Variants in ARHGEF12 observed in about 807,000 individuals in gnomAD.
ARHGEF12 encodes the protein KMT2A/ARHGEF12 fusion protein.
Under a neutral mutation model 211.2 loss-of-function variants are expected in ARHGEF12, and 66 were observed. The ratio of observed to expected loss-of-function variants is 0.31; its 90% confidence interval spans 0.26 to 0.38. ARHGEF12 has a LOEUF of 0.38. Ranked by LOEUF, ARHGEF12 falls within the 10% of genes least tolerant of loss-of-function variation. ARHGEF12 has a pLI of 1.00. For missense variants in ARHGEF12, 1,429 were observed against 1,869.5 expected, an observed-to-expected ratio of 0.76 and a Z score of 4.34; for synonymous variants, 592 against 638.4, an observed-to-expected ratio of 0.93 and a Z score of 1.09.
chr11:120,448,071 G>T (rs1423639669), intron 19 of ARHGEF12, among the ~76,000 whole-genome samples, 163 bp from the exon 20 acceptor site: 1 of 152,046 alleles, frequency 6.6e-6, no homozygotes, highest in Non-Finnish European at 1.5e-5. Flanking sequence ...CTGTTGTCCT[G>T]AGTAGAATTC....
At chr11:120,337,981 T>A (rs1942409183) in intron 1 of ARHGEF12, 1 of 885,462 alleles carries the variant, frequency 1.1e-6, no homozygotes, top group Non-Finnish European at 1.4e-6. Context: ...GCAGCTGAAT[T>A]TGTTGAGTTC....
intron 1 of ARHGEF12, among the ~76,000 whole-genome samples, chr11:120,376,688 TAC>T (rs777901695): frequency 1.3e-4 from 20 of 152,202 alleles, no homozygotes; most frequent in Non-Finnish European, 2.1e-4. Flanking sequence ...TTTTTAAATG[TAC>T]AATAAATTAT....
chr11:120,409,458 A>G lies in ARHGEF12; in HGVS notation c.199+8A>G. The stretch of plus-strand genomic sequence containing the variant: ...GTAGATCCGAGATATATGGTAAGCT[A>G]ATGTAGCTAATTCAGCCTTGCCCTT... On this transcript the variant is annotated splice_region_variant and intron_variant, in intron 4 of 40. Transcript: ENST00000397843. The G allele has an allele frequency of 6.2e-7, 1 of 1,613,446 alleles. No individual in the cohort carries two copies. Among genetic ancestry groups the G allele is most frequent in the Non-Finnish European group, 8.5e-7 (1 of 1,179,608 alleles).
intron 1 of ARHGEF12, among the ~76,000 whole-genome samples, chr11:120,362,303 T>A (rs1384292117): frequency 6.6e-6 from 1 of 152,190 alleles, no homozygotes; most frequent in African/African-American, 2.4e-5. Context: ...TACTAAGCAA[T>A]AGTTTCAATA....
chr11:120,402,362 ACT>A (rs989369369), intron 1 of ARHGEF12, among the ~76,000 whole-genome samples: 3 of 151,960 alleles, frequency 2.0e-5, no homozygotes, highest in African/African-American at 7.2e-5. Flanking sequence ...TTGTCTAGTA[ACT>A]CTTCTCACTG....
At chr11:120,479,486 G>A (rs1947165286) in intron 37 of ARHGEF12, among the ~76,000 whole-genome samples, 2 of 152,142 alleles carry the variant, frequency 1.3e-5, no homozygotes, top group African/African-American at 4.8e-5. Context: ...TTCAGTAAAT[G>A]TATGTATCTC....
intron 10 of ARHGEF12, 152 bp from the exon 11 acceptor site, chr11:120,431,619 C>T (rs1175563142): frequency 1.6e-5 from 11 of 707,346 alleles, no homozygotes; most frequent in South Asian, 6.2e-5. Flanking sequence ...GGATTTTACT[C>T]GTAGAATTTT....
In ARHGEF12 at chr11:120,478,325, C is replaced by A. The variant is rs901056192; in HGVS notation, c.3702C>A (p.Ile1234=). ...TLKEVGEDYQ[I]AIPDSHLPVS... ...AGGAAGTTGGAGAAGATTATCAAAT[C>A]GCAATCCCAGATTCACACCTGCCTG... The change falls in exon 37 of 41, where the codon ATC becomes ATA. Residue 1234 remains isoleucine, a synonymous_variant. Transcript: ENST00000397843. The A allele has an allele frequency of 2.5e-6, 4 of 1,614,170 alleles. No individual in the cohort carries two copies. In the East Asian group the frequency reaches 8.9e-5, roughly 36 times the overall value.
chr11:120,479,887 T>C, intron 37 of ARHGEF12, 73 bp from the exon 38 acceptor site: 1 of 1,253,630 alleles, frequency 8.0e-7, no homozygotes, highest in Non-Finnish European at 1.1e-6. Context: ...GTAAGTCAGC[T>C]AATTTAATTC....
intron 38 of ARHGEF12, 95 bp downstream of exon 38, chr11:120,480,525 G>C: frequency 8.9e-7 from 1 of 1,117,580 alleles, no homozygotes; most frequent in Non-Finnish European, 1.3e-6. Flanking sequence ...ATCCAGGTGT[G>C]TGTGTGTGTG....
intron 1 of ARHGEF12, among the ~76,000 whole-genome samples, chr11:120,374,976 TCAGATTTGTCAACAAA>T (rs1472767126): frequency 5.3e-5 from 8 of 152,194 alleles, no homozygotes; most frequent in Non-Finnish European, 1.0e-4. Context: ...CACAAAATCT[TCAGATTTGTCAACAAA>T]ATGAACGAGA....
chr11:120,453,325 C>T (rs7111292), intron 22 of ARHGEF12, among the ~76,000 whole-genome samples: 1 of 151,870 alleles, frequency 6.6e-6, no homozygotes, highest in African/African-American at 2.4e-5. Flanking sequence ...TGGTAGGTGG[C>T]GGATGAACAG....
At chr11:120,366,891 C>T (rs1039096224) in intron 1 of ARHGEF12, among the ~76,000 whole-genome samples, 1 of 152,156 alleles carries the variant, frequency 6.6e-6, no homozygotes, top group Admixed American at 6.5e-5. Flanking sequence ...TGGCACACGC[C>T]TGCAATCCCA....
intron 4 of ARHGEF12, among the ~76,000 whole-genome samples, chr11:120,414,446 T>A (rs908392159): frequency 2.6e-5 from 4 of 152,220 alleles, no homozygotes; most frequent in African/African-American, 9.6e-5. Context: ...AAATTTCCTT[T>A]GTGTATAAAA....
chr11:120,344,667 T>G (rs976453947), intron 1 of ARHGEF12, among the ~76,000 whole-genome samples: 1 of 152,222 alleles, frequency 6.6e-6, no homozygotes, highest in Admixed American at 6.5e-5. Flanking sequence ...AAGAGGTATT[T>G]AAATATTTTG....
intron 23 of ARHGEF12, 87 bp downstream of exon 23, chr11:120,457,337 C>T (rs1264313949): frequency 2.0e-6 from 3 of 1,470,942 alleles, no homozygotes; most frequent in African/African-American, 2.8e-5. Context: ...AGCATTCTAG[C>T]ACTGAAGCCT....
At chr11:120,453,216 A>C (rs1946264935) in intron 22 of ARHGEF12, among the ~76,000 whole-genome samples, 1 of 152,142 alleles carries the variant, frequency 6.6e-6, no homozygotes, top group South Asian at 2.1e-4. Flanking sequence ...CATTTGGAGA[A>C]AATTCTGGGG....
Position 120,480,115 on chromosome 11 carries a change from T to C in ARHGEF12, c.3922T>C (p.Ser1308Pro). The C allele has an allele frequency of 6.2e-7, 1 of 1,614,166 alleles. No homozygotes were observed. ...QNSENIKAYH[S>P]GEGHMPFRTG... is the part of the protein sequence containing the mutation. ...CTCTGAAAATATTAAGGCCTATCAT[T>C]CTGGTGAAGGACATATGCCCTTTAG... The change falls in exon 38 of 41, where the codon TCT (serine) becomes CCT (proline). Residue 1308 changes from serine to proline, a missense_variant. Ser to Pro is a moderately conservative substitution (Grantham distance 74, BLOSUM62 -1). Transcript: ENST00000397843.
At chr11:120,370,524 A>T (rs1943560560) in intron 1 of ARHGEF12, among the ~76,000 whole-genome samples, 1 of 151,986 alleles carries the variant, frequency 6.6e-6, no homozygotes, top group Admixed American at 6.6e-5. Flanking sequence ...TTTTTTTTTA[A>T]CATTGTAATT....
Sources: allele counts gnomAD v4.1 joint callset (sites outside exome capture counted in the v4.1 genomes callset), GRCh38; gene constraint gnomAD v4.1.1; transcripts MANE v1.5; gene names NCBI Gene and HGNC (gene_info 2026-07-23, HGNC 2026-07-21).